FAT3: variants seen among roughly 807,000 people sequenced by gnomAD.
The protein encoded by FAT3 is protocadherin Fat 3.
FAT3 carries 95 observed loss-of-function variants against 310.2 expected under a neutral mutation model. The observed-to-expected ratio is 0.31, with a 90% CI of 0.26 to 0.36. The LOEUF (loss-of-function observed/expected upper bound fraction) is 0.36, where lower values mean the gene tolerates loss of function less well. Ranked by LOEUF, FAT3 falls within the 10% of genes least tolerant of loss-of-function variation. The probability of loss-of-function intolerance (pLI) is 1.00; values close to 1 mark genes in which losing one functional copy is unlikely to be tolerated. For synonymous variants in FAT3, 2,314 were observed against 2,192.9 expected, an observed-to-expected ratio of 1.06 and a Z score of -1.54; for missense variants, 5,408 against 5,715.6, an observed-to-expected ratio of 0.95 and a Z score of 1.74.
Position 92,235,898 on chromosome 11 carries a change from A to G in FAT3, c.-18+10724A>G, listed in dbSNP as rs527990236. 1.4e-4 allele frequency among the ~76,000 whole-genome samples: 22 copies of G among 152,326 alleles called. No individual in the cohort carries two copies. In the South Asian group the frequency reaches 4.6e-3, roughly 32 times the overall value. The stretch of plus-strand genomic sequence containing the variant: ...CAGTAGCATCACTTTGTCTTCAAGG[A>G]ATGTATGATAAGGGTGTTATGTACC... On this transcript the variant is annotated intron_variant, in intron 1 of 27. Transcript: ENST00000525166.
intron 1 of FAT3, among the ~76,000 whole-genome samples, chr11:92,318,271 C>T (rs1040927177): frequency 1.1e-4 from 16 of 152,100 alleles, no homozygotes; most frequent in African/African-American, 3.6e-4. Context: ...TTGTGATTTT[C>T]CTCTTCTGTG....
chr11:92,411,357 A>G (rs902456920), intron 2 of FAT3, among the ~76,000 whole-genome samples: 1 of 151,758 alleles, frequency 6.6e-6, no homozygotes, highest in Non-Finnish European at 1.5e-5. Context: ...GTAAAATACT[A>G]TGGTGTAAGA....
intron 3 of FAT3, among the ~76,000 whole-genome samples, chr11:92,581,723 C>T (rs997860045): frequency 6.6e-6 from 1 of 151,706 alleles, no homozygotes; most frequent in Non-Finnish European, 1.5e-5. Context: ...TACATATACA[C>T]GTGTGTGTGT....
chr11:92,870,692 A>G (rs1217880886), intron 22 of FAT3, among the ~76,000 whole-genome samples: 1 of 152,204 alleles, frequency 6.6e-6, no homozygotes, highest in Non-Finnish European at 1.5e-5. Context: ...ACACATTTGA[A>G]GCCAGGCAGT....
Position 92,353,202 on chromosome 11 carries a change from A to T in FAT3, c.1090A>T (p.Ile364Phe), listed in dbSNP as rs1198637724. 1.2e-6 allele frequency: 2 copies of T among 1,613,842 alleles called. No individual in the cohort carries two copies. The highest frequency in any genetic ancestry group is 1.7e-6 in the Non-Finnish European group (2 of 1,179,870). ...ATGTTCAGCATTAAAGGCAGTCTAC[A>T]TTGGCAACCCCACAAGAGACACTGT... ...QKCSALKAVY[I>F]GNPTRDTVPI... is the part of the protein sequence containing the mutation. Residue 364 changes from isoleucine (I) to phenylalanine (F), a missense_variant, in exon 2 of 28, where the codon ATT (isoleucine) becomes TTT (phenylalanine). Ile to Phe is a conservative substitution (Grantham distance 21). Coordinates refer to ENST00000525166, the MANE Select transcript of FAT3 (RefSeq NM_001367949.2).
intron 2 of FAT3, among the ~76,000 whole-genome samples, chr11:92,391,479 A>G (rs1949747939): frequency 1.3e-5 from 2 of 152,174 alleles, no homozygotes; most frequent in Non-Finnish European, 2.9e-5. Flanking sequence ...ATAGTTCTTT[A>G]TCTCAACCTC....
At position 92,800,394 on chromosome 11, in the gene FAT3, A is replaced by G; in HGVS notation, c.7381A>G (p.Met2461Val). ...ITLSNHRKQRMEPLYSLNVSV... is the reference protein window; with the variant it reads ...ITLSNHRKQRVEPLYSLNVSV... ...ATTGTCCAACCATCGGAAGCAGCGG[A>G]TGGAGCCTCTGTACAGTCTCAATGT... The change falls in exon 10 of 28, where the codon ATG becomes GTG. Residue 2461 changes from methionine to valine, a missense_variant. Met to Val is a conservative substitution (Grantham distance 21). Coordinates refer to ENST00000525166, the MANE Select transcript of FAT3 (RefSeq NM_001367949.2). The G allele has an allele frequency of 6.2e-7, 1 of 1,614,020 alleles. No homozygotes were observed. Among genetic ancestry groups the G allele is most frequent in the Non-Finnish European group, 8.5e-7 (1 of 1,179,884 alleles).
intron 14 of FAT3, among the ~76,000 whole-genome samples, chr11:92,834,552 G>C (rs548801163): frequency 6.6e-6 from 1 of 152,294 alleles, no homozygotes; most frequent in Admixed American, 6.5e-5. Context: ...AGGGATGCTT[G>C]TTTCTGTTCC....
intron 3 of FAT3, among the ~76,000 whole-genome samples, chr11:92,536,940 C>T (rs1415327750): frequency 6.6e-6 from 1 of 152,084 alleles, no homozygotes; most frequent in African/African-American, 2.4e-5. Flanking sequence ...TTAGTCCAGA[C>T]CCTATCACTA....
chr11:92,246,266 C>T (rs894419318), intron 1 of FAT3, among the ~76,000 whole-genome samples: 8 of 151,884 alleles, frequency 5.3e-5, no homozygotes, highest in African/African-American at 1.7e-4. Flanking sequence ...TAAGAGGCTA[C>T]GAGGAAAACA....
At chr11:92,621,223 C>T (rs189368880) in intron 3 of FAT3, among the ~76,000 whole-genome samples, 18 of 152,108 alleles carry the variant, frequency 1.2e-4, no homozygotes, top group Non-Finnish European at 2.4e-4. Flanking sequence ...TCCCAGTCAG[C>T]CAAGGGGAAA....
In FAT3 at chr11:92,890,819, G is replaced by A. The variant is rs1949901911; in HGVS notation, c.13476G>A (p.Gln4492=). ...GAAGGCCCCAGTTTCATCCTAGCCAGTATCTCCCTCCTCACCCATTCCCCA... is the reference window on the plus strand; with the variant it reads ...GAAGGCCCCAGTTTCATCCTAGCCAATATCTCCCTCCTCACCCATTCCCCA... The part of the protein sequence containing the change: ...CRRRPQFHPS[Q]YLPPHPFPNE... The change falls in exon 28 of 28, where the codon CAG becomes CAA. Residue 4492 remains glutamine (Q), a synonymous_variant. Transcript: ENST00000525166. 1 of 1,613,432 alleles carries A rather than the reference G, an allele frequency of 6.2e-7. No homozygotes were observed.
chr11:92,594,016 T>C (rs954050719), intron 3 of FAT3, among the ~76,000 whole-genome samples: 1 of 152,134 alleles, frequency 6.6e-6, no homozygotes, highest in Non-Finnish European at 1.5e-5. Flanking sequence ...GACCCTCCTT[T>C]TTCCCATCTG....
intron 3 of FAT3, among the ~76,000 whole-genome samples, chr11:92,624,399 G>T (rs1941229285): frequency 2.0e-5 from 3 of 152,120 alleles, no homozygotes; most frequent in Non-Finnish European, 4.4e-5. Flanking sequence ...AACTTGTCTG[G>T]GTCAGATCCT....
intron 2 of FAT3, among the ~76,000 whole-genome samples, chr11:92,513,209 A>G (rs12286124): frequency 0.038 from 5,801 of 150,940 alleles, 368 homozygotes; most frequent in African/African-American, 0.13. Flanking sequence ...CTGTGTCCAT[A>G]TATTTCAGAC....
At chr11:92,735,156 A>G (rs1945304412) in intron 4 of FAT3, among the ~76,000 whole-genome samples, 1 of 152,172 alleles carries the variant, frequency 6.6e-6, no homozygotes, top group Non-Finnish European at 1.5e-5. Context: ...CCTGTGCTGA[A>G]TGACAAGCCT....
At chr11:92,519,500 A>G (rs779376460) in intron 2 of FAT3, among the ~76,000 whole-genome samples, 5 of 152,092 alleles carry the variant, frequency 3.3e-5, no homozygotes, top group Non-Finnish European at 7.4e-5. Context: ...CAATACCAAA[A>G]CATGACCTAT....
intron 1 of FAT3, among the ~76,000 whole-genome samples, chr11:92,245,746 T>C (rs539284754): frequency 2.0e-5 from 3 of 152,282 alleles, no homozygotes; most frequent in Non-Finnish European, 4.4e-5. Flanking sequence ...AATAAAACTT[T>C]ATTTGCAAAA....
intron 1 of FAT3, among the ~76,000 whole-genome samples, chr11:92,274,273 CAAAT>C (rs575102456): frequency 8.8e-4 from 133 of 151,996 alleles, no homozygotes; most frequent in African/African-American, 3.2e-3. Context: ...TTTTTTTGAA[CAAAT>C]AAACCCCTAC....
Sources: gnomAD v4.1 joint callset for allele counts (sites outside exome capture counted in the v4.1 genomes callset) on GRCh38, gnomAD v4.1.1 for gene constraint, MANE v1.5 for transcripts, NCBI Gene and HGNC (gene_info 2026-07-23, HGNC 2026-07-21) for gene names.